PTH: variants seen among roughly 807,000 people sequenced by gnomAD.
PTH encodes the protein parathyroid hormone.
A neutral mutation model predicts 7.4 loss-of-function variants in PTH; 7 were observed. The observed-to-expected ratio is 0.94, with a 90% CI of 0.53 to 1.77. The LOEUF (loss-of-function observed/expected upper bound fraction) is 1.77, where lower values mean the gene tolerates loss of function less well. Among genes scored for constraint, PTH ranks in the 40% most tolerant of loss-of-function variants. PTH has a pLI of 0.00. For synonymous variants in PTH, 51 were observed against 46.6 expected (o/e 1.09, Z -0.39); for missense variants, 128 against 137.1 (o/e 0.93, Z 0.33).
chr11:13,493,073 C>T (rs566561283), intron 1 of PTH, among the ~76,000 whole-genome samples: 2 of 147,648 alleles, frequency 1.4e-5, no homozygotes, highest in Admixed American at 7.0e-5. Flanking sequence ...TTGGAGATTT[C>T]TTGTGCAAGT....
At chr11:13,495,073 T>A (rs1386841636) in intron 1 of PTH, among the ~76,000 whole-genome samples, 1 of 152,212 alleles carries the variant, frequency 6.6e-6, no homozygotes, top group Non-Finnish European at 1.5e-5. Context: ...CATTTAAAAA[T>A]CATCTGATTA....
rs773844506 is a variant in PTH, at chr11:13,492,458, C to G, written c.295G>C (p.Gly99Arg). The G allele has an allele frequency of 5.0e-6, 8 of 1,613,952 alleles. No individual in the cohort carries two copies. The highest frequency in any genetic ancestry group is 1.3e-5 in the African/African-American group (1 of 74,912). Residue 99 changes from glycine (G) to arginine (R), a missense_variant, in exon 3 of 3, where the codon GGA (glycine) becomes CGA (arginine). Gly to Arg is a moderately radical substitution (Grantham distance 125). Transcript: ENST00000282091. ...TTCACATCAGCTTTGTCTGCCTCTC[C>G]AAGACTTTTTTCATGGCTCTCAACC... is the stretch of plus-strand genomic sequence containing the variant. ...VLVESHEKSL[G>R]EADKADVNVL...
chr11:13,493,220 T>C (rs879119784), intron 1 of PTH, among the ~76,000 whole-genome samples: 1 of 152,032 alleles, frequency 6.6e-6, no homozygotes, highest in Non-Finnish European at 1.5e-5. Flanking sequence ...TCCAATGATA[T>C]TAAGCGGCAA....
In PTH at chr11:13,495,911, C is replaced by T. The variant is rs1847530184; in HGVS notation, c.-6G>A. The T allele has an allele frequency of 1.3e-5, 2 of 151,980 alleles. No individual in the cohort carries two copies. The highest frequency in any genetic ancestry group is 6.6e-5 in the Admixed American group (1 of 15,242). 9.4% of individuals were successfully genotyped at this position (151,980 alleles called of 1,614,324 possible). A position where few individuals can be genotyped will look rare whatever the true frequency, so the allele number is the denominator to read the frequency against. On this transcript the variant is annotated splice_region_variant and 5_prime_UTR_variant, in exon 1 of 3. It adds an upstream start codon to the 5' untranslated region. Transcript: ENST00000282091. ...GAAGTGAATTTTTAAGTTTACTTAC[C>T]ATACAATGTCTTAGAACAAGATCTT...
Position 13,492,357 on chromosome 11 carries a change from TG to T in PTH, c.*47del. 1 of 1,600,150 alleles carries T rather than the reference TG, an allele frequency of 6.2e-7. No homozygotes were observed. The highest frequency in any genetic ancestry group is 8.5e-7 in the Non-Finnish European group (1 of 1,177,774). On this transcript the variant is annotated 3_prime_UTR_variant, in exon 3 of 3. Transcript: ENST00000282091. Reference sequence around the variant, plus strand: ...GCTTTGAATTAGCAGCATGTATTGTTGCCCTACACTGTCTAGAGCAGAACTC... The same window carrying T: ...GCTTTGAATTAGCAGCATGTATTGTTCCCTACACTGTCTAGAGCAGAACTC...
Position 13,492,409 on chromosome 11 carries a change from T to C in PTH, c.344A>G (p.Gln115Arg). ...DVNVLTKAKS[Q>R] ...TGACAATATCTGTTTTCATTTTCAC[T>C]GGGATTTAGCTTTAGTTAATACATT... Residue 115 changes from glutamine to arginine, a missense_variant, in exon 3 of 3, where the codon CAG (glutamine) becomes CGG (arginine). Gln to Arg is a conservative substitution (Grantham distance 43, BLOSUM62 1). Transcript: ENST00000282091. 1 of 1,612,592 alleles carries C rather than the reference T, an allele frequency of 6.2e-7. No individual in the cohort carries two copies. The highest frequency in any genetic ancestry group is 8.5e-7 in the Non-Finnish European group (1 of 1,180,008).
At position 13,492,768 on chromosome 11, in the gene PTH, A is replaced by G; in HGVS notation, c.86+2T>C. 6.2e-7 allele frequency: 1 copy of G among 1,614,004 alleles called. No individual in the cohort carries two copies. The stretch of plus-strand genomic sequence containing the variant: ...CCAATTCCAAGGCAAAACAGTACTT[A>G]CTTAACAGATTTCCCATCCGATTTT... On this transcript the variant is annotated splice_donor_variant, in intron 2 of 2. Coordinates refer to ENST00000282091, the MANE Select transcript of PTH (RefSeq NM_000315.4). LOFTEE classifies it high-confidence loss of function.
In PTH at chr11:13,494,322, G is replaced by A. The variant is rs1387948285; in HGVS notation, c.-5-1462C>T. On this transcript the variant is annotated intron_variant, in intron 1 of 2. Coordinates refer to ENST00000282091, the MANE Select transcript of PTH (RefSeq NM_000315.4). The stretch of plus-strand genomic sequence containing the variant: ...ACACTACTGCCAGCCCTGGTGACTC[G>A]CTTTCTTAGCAATTTTTAAAGCCCT... 3.9e-5 allele frequency among the ~76,000 whole-genome samples: 6 copies of A among 152,000 alleles called. No homozygotes were observed. In the South Asian group the frequency reaches 6.2e-4, roughly 16 times the overall value.
At chr11:13,493,725 C>G (rs1847505598) in intron 1 of PTH, among the ~76,000 whole-genome samples, 1 of 152,232 alleles carries the variant, frequency 6.6e-6, no homozygotes, top group African/African-American at 2.4e-5. Flanking sequence ...CGTGATCATT[C>G]TCTTAACTCA....
At chr11:13,492,716 C>A (rs6254) in intron 2 of PTH, 50 bp from the exon 3 acceptor site, 1 of 1,613,464 alleles carries the variant, frequency 6.2e-7, no homozygotes, top group Non-Finnish European at 8.5e-7. Flanking sequence ...CTCCCCACTT[C>A]GAAATGATAA....
Position 13,492,349 on chromosome 11 carries a change from T to G in PTH, c.*56A>C. 3.1e-6 allele frequency: 5 copies of G among 1,593,652 alleles called. No individual in the cohort carries two copies. Among genetic ancestry groups the G allele is most frequent in the Non-Finnish European group, 4.3e-6 (5 of 1,172,660 alleles). Reference sequence around the variant, plus strand: ...TTAATAGAGCTTTGAATTAGCAGCATGTATTGTTGCCCTACACTGTCTAGA... The same window carrying G: ...TTAATAGAGCTTTGAATTAGCAGCAGGTATTGTTGCCCTACACTGTCTAGA... On this transcript the variant is annotated 3_prime_UTR_variant, in exon 3 of 3. Coordinates refer to ENST00000282091, the MANE Select transcript of PTH (RefSeq NM_000315.4).
Position 13,492,481 on chromosome 11 carries a change from A to T in PTH, c.272T>A (p.Val91Asp). ...TCCAAGACTTTTTTCATGGCTCTCA[A>T]CCAAGACATTGTCTTCCTTTTTTCG... Reference protein sequence around the residue: ...RPRKKEDNVLVESHEKSLGEA... With the variant: ...RPRKKEDNVLDESHEKSLGEA... Residue 91 changes from valine (V) to aspartate (D), a missense_variant, in exon 3 of 3, where the codon GTT becomes GAT. Val to Asp is a radical substitution (Grantham distance 152). Transcript: ENST00000282091. The T allele has an allele frequency of 2.5e-6, 4 of 1,614,140 alleles. No homozygotes were observed. Among genetic ancestry groups the T allele is most frequent in the Non-Finnish European group, 3.4e-6 (4 of 1,180,008 alleles).
intron 1 of PTH, 30 bp downstream of exon 1, chr11:13,495,881 A>C (rs1192408779): frequency 6.6e-6 from 1 of 152,196 alleles, no homozygotes; most frequent in Non-Finnish European, 1.5e-5. Context: ...ATCTCATGAG[A>C]TTCAGAAGTG....
intron 1 of PTH, among the ~76,000 whole-genome samples, chr11:13,494,594 A>T: frequency 6.6e-6 from 1 of 152,176 alleles, no homozygotes; most frequent in East Asian, 1.9e-4. Flanking sequence ...CTTTTTGGCA[A>T]ATTAAGCCCT....
At chr11:13,494,572 C>T (rs1303588886) in intron 1 of PTH, among the ~76,000 whole-genome samples, 3 of 152,148 alleles carry the variant, frequency 2.0e-5, no homozygotes, top group African/African-American at 7.2e-5. Context: ...GGGTCTCTAG[C>T]TTTTTACTTT....
At chr11:13,492,931 A>C in intron 1 of PTH, 71 bp from the exon 2 acceptor site, 1 of 1,347,920 alleles carries the variant, frequency 7.4e-7, no homozygotes, top group Non-Finnish European at 1.0e-6. Flanking sequence ...CACAGAATGC[A>C]ATACTAACTA....
chr11:13,494,213 G>A (rs1453347849), intron 1 of PTH, among the ~76,000 whole-genome samples: 2 of 152,232 alleles, frequency 1.3e-5, no homozygotes, highest in East Asian at 1.9e-4. Flanking sequence ...GGGATTTGGA[G>A]AGAAGAGTCT....
In PTH at chr11:13,492,107, A is replaced by T; in HGVS notation, c.*298T>A. The T allele has an allele frequency of 3.1e-6, 1 of 326,312 alleles. No individual in the cohort carries two copies. The highest frequency in any genetic ancestry group is 5.7e-6 in the Non-Finnish European group (1 of 175,952). 20.2% of individuals were successfully genotyped at this position (326,312 alleles called of 1,614,324 possible). ...CTTATGATCATTACATTTTTGTTTT[A>T]CATTTTAAGGTAGAAGAGAGGTTTA... On this transcript the variant is annotated 3_prime_UTR_variant, in exon 3 of 3. Transcript: ENST00000282091.
rs1351486691 is a variant in PTH, at chr11:13,492,588, C to T, written c.165G>A (p.Leu55=). 6.2e-7 allele frequency: 1 copy of T among 1,614,172 alleles called. No individual in the cohort carries two copies. Among genetic ancestry groups the T allele is most frequent in the Non-Finnish European group, 8.5e-7 (1 of 1,180,032 alleles). ...TGTGCACATCCTGCAGCTTCTTACGCAGCCATTCTACTCTCTCCATCGAGT... is the reference window on the plus strand; with the variant it reads ...TGTGCACATCCTGCAGCTTCTTACGTAGCCATTCTACTCTCTCCATCGAGT... The part of the protein sequence containing the change: ...HLNSMERVEW[L]RKKLQDVHNF... The change falls in exon 3 of 3, where the codon CTG becomes CTA. Residue 55 remains leucine, a synonymous_variant. Transcript: ENST00000282091.
Sources: gnomAD v4.1 joint callset for allele counts (sites outside exome capture counted in the v4.1 genomes callset) on GRCh38, gnomAD v4.1.1 for gene constraint, MANE v1.5 for transcripts, NCBI Gene and HGNC (gene_info 2026-07-23, HGNC 2026-07-21) for gene names.